Variants in ABCC2 observed in about 807,000 individuals in gnomAD.
ABCC2 encodes the protein ATP binding cassette subfamily C member 2.
ABCC2 carries 157 observed loss-of-function variants against 173.4 expected under a neutral mutation model. The observed-to-expected ratio is 0.91, with a 90% CI of 0.80 to 1.03. The LOEUF is 1.03. Ranked by LOEUF, ABCC2 falls within the 50% of genes least tolerant of loss-of-function variation. ABCC2 has a pLI of 0.00. For missense variants in ABCC2, 1,822 were observed against 1,852.3 expected (o/e 0.98, Z 0.30); for synonymous variants, 657 against 693.5 (o/e 0.95, Z 0.83).
In ABCC2 at chr10:99,793,923, T is replaced by A; in HGVS notation, c.500T>A (p.Leu167Gln). Residue 167 changes from leucine (L) to glutamine (Q), a missense_variant, in exon 5 of 32, where the codon CTG (leucine) becomes CAG (glutamine). Coordinates refer to ENST00000647814, the MANE Select transcript of ABCC2 (RefSeq NM_000392.5). The stretch of plus-strand genomic sequence containing the variant: ...AATTCTAATCTAGCCTACTCCTGCC[T>A]GTTCTTCATCTCCTACGGATTCCAG... ...GDNSNLAYSC[L>Q]FFISYGFQIL... 3.7e-6 allele frequency: 6 copies of A among 1,614,034 alleles called. No individual in the cohort carries two copies. The highest frequency in any genetic ancestry group is 5.1e-6 in the Non-Finnish European group (6 of 1,179,920).
At chr10:99,842,756 G>T (rs191097516) in intron 26 of ABCC2, among the ~76,000 whole-genome samples, 3 of 152,254 alleles carry the variant, frequency 2.0e-5, no homozygotes, top group Admixed American at 2.0e-4. Flanking sequence ...TTCATTAGAA[G>T]TTAATAAGGC....
At chr10:99,795,797 A>AGTT (rs1564672506) in intron 6 of ABCC2, among the ~76,000 whole-genome samples, 1 of 45,586 alleles carries the variant, frequency 2.2e-5, no homozygotes, top group South Asian at 7.0e-4. Context: ...GAAAGAAAGA[A>AGTT]AGAAAGATTT....
intron 23 of ABCC2, 118 bp downstream of exon 23, chr10:99,832,249 A>G: frequency 1.5e-6 from 2 of 1,325,274 alleles, no homozygotes; most frequent in South Asian, 1.2e-5. Flanking sequence ...TTGTCACTCA[A>G]CATGCAAGTG....
In ABCC2 at chr10:99,851,837, G is replaced by GT; in HGVS notation, c.*207dup. The stretch of plus-strand genomic sequence containing the variant: ...AACCCCTCGATTGTCTACCTCGATC[G>GT]TACTTCCTTGCTACCCACCCCTCCC... On this transcript the variant is annotated 3_prime_UTR_variant, in exon 32 of 32. Coordinates refer to ENST00000647814, the MANE Select transcript of ABCC2 (RefSeq NM_000392.5). 2.1e-6 allele frequency: 1 copy of GT among 475,176 alleles called. No homozygotes were observed. Among genetic ancestry groups the GT allele is most frequent in the South Asian group, 3.4e-5 (1 of 29,720 alleles). 29.4% of individuals were successfully genotyped at this position (475,176 alleles called of 1,614,324 possible).
At chr10:99,802,222 T>C (rs1308762649) in intron 9 of ABCC2, among the ~76,000 whole-genome samples, 1 of 152,224 alleles carries the variant, frequency 6.6e-6, no homozygotes, top group Non-Finnish European at 1.5e-5. Flanking sequence ...ATATCGCTAT[T>C]AGAAGAGTGG....
intron 2 of ABCC2, among the ~76,000 whole-genome samples, chr10:99,790,129 A>C (rs1385270430): frequency 6.6e-6 from 1 of 152,230 alleles, no homozygotes; most frequent in Non-Finnish European, 1.5e-5. Flanking sequence ...AAATGAAATG[A>C]CTGAGTTAAG....
rs553083635 is a variant in ABCC2 at position 99,820,306 on chromosome 10, G to C, written c.2620+1037G>C. Among the ~76,000 whole-genome samples, 3 of 152,302 alleles carry C rather than the reference G, an allele frequency of 2.0e-5. No individual in the cohort carries two copies. In the East Asian group the frequency reaches 5.8e-4, roughly 29 times the overall value. ...CTTGGGAGGCTGAGGCAGGAGAATT[G>C]CTTGAACCCAGGAGGCAGAGGTTGC... On this transcript the variant is annotated intron_variant, in intron 19 of 31. Transcript: ENST00000647814.
intron 15 of ABCC2, among the ~76,000 whole-genome samples, chr10:99,812,787 T>C (rs1158114411): frequency 6.6e-6 from 1 of 152,216 alleles, no homozygotes; most frequent in East Asian, 1.9e-4. Context: ...ATAGATGAGT[T>C]GGATAAATTA....
chr10:99,791,431 G>T (rs1171193227), intron 2 of ABCC2, among the ~76,000 whole-genome samples: 1 of 152,108 alleles, frequency 6.6e-6, no homozygotes. Flanking sequence ...AAAACCTATG[G>T]CCTAAGAAAG....
At chr10:99,838,476 G>T (rs1590187683) in intron 25 of ABCC2, among the ~76,000 whole-genome samples, 1 of 41,904 alleles carries the variant, frequency 2.4e-5, no homozygotes, top group Non-Finnish European at 5.0e-5. Context: ...CCGGGCAGAG[G>T]GGCTCCTCAC....
rs753783506 is a variant in ABCC2 at position 99,808,230 on chromosome 10, G to A, written c.1815+1G>A. On this transcript the variant is annotated splice_donor_variant, in intron 13 of 31. Transcript: ENST00000647814. LOFTEE classifies it high-confidence loss of function. ...CATGATGATCTCCTCCATGCTCCAG[G>A]TAGGTCGGCATTCTCACTGCTAACT... 5 of 1,614,014 alleles carry A rather than the reference G, an allele frequency of 3.1e-6. No homozygotes were observed. The South Asian group carries it at 5.5e-5, about 18-fold the overall frequency.
chr10:99,793,734 T>C, intron 4 of ABCC2, 49 bp downstream of exon 4: 1 of 1,611,978 alleles, frequency 6.2e-7, no homozygotes, highest in Non-Finnish European at 8.5e-7. Flanking sequence ...TGGGGCAACC[T>C]CTAACTCATA....
rs372262512 is a variant in ABCC2 at position 99,795,002 on chromosome 10, G to A, written c.632+534G>A. On this transcript the variant is annotated intron_variant, in intron 6 of 31. Coordinates refer to ENST00000647814, the MANE Select transcript of ABCC2 (RefSeq NM_000392.5). The stretch of plus-strand genomic sequence containing the variant: ...GGGGGATTTGTTTTTGGTAGCCTAG[G>A]GGTCCCACAGGAGAAAAGAAAGGAG... Among the ~76,000 whole-genome samples, 403 of 152,228 alleles carry A rather than the reference G, an allele frequency of 2.6e-3. 3 individuals carry two copies. The highest frequency in any genetic ancestry group is 0.015 in the South Asian group (73 of 4,820).
At chr10:99,849,804 C>A (rs1336899086) in intron 30 of ABCC2, among the ~76,000 whole-genome samples, 3 of 152,158 alleles carry the variant, frequency 2.0e-5, no homozygotes, top group Admixed American at 6.5e-5. Context: ...ACTTTGGCCA[C>A]CCCCTGTTTA....
At chr10:99,793,749 A>G in intron 4 of ABCC2, 64 bp downstream of exon 4, 1 of 1,608,010 alleles carries the variant, frequency 6.2e-7, no homozygotes. Flanking sequence ...CTCATAGTAA[A>G]TGGCATCAAG....
At position 99,804,226 on chromosome 10, in the gene ABCC2, G is replaced by A; in HGVS notation, c.1417G>A (p.Val473Ile). 6.2e-7 allele frequency: 1 copy of A among 1,614,148 alleles called. No homozygotes were observed. Among genetic ancestry groups the A allele is most frequent in the East Asian group, 2.2e-5 (1 of 44,882 alleles). Residue 473 changes from valine (V) to isoleucine (I), a missense_variant, in exon 10 of 32, where the codon GTA becomes ATA. Coordinates refer to ENST00000647814, the MANE Select transcript of ABCC2 (RefSeq NM_000392.5). ...AGCAGGTGTTGGGGTGATGGTGCTT[G>A]TAATCCCAATTAATGCGATACTGTC... ...VLAGVGVMVL[V>I]IPINAILSTK...
intron 30 of ABCC2, among the ~76,000 whole-genome samples, chr10:99,847,958 G>A (rs72838136): frequency 0.055 from 8,354 of 152,230 alleles, 253 homozygotes; most frequent in Middle Eastern, 0.18. Flanking sequence ...TTGTTATTAA[G>A]TGTACTCCTC....
rs778842626 is a variant in ABCC2 at position 99,849,647 on chromosome 10, G to A, written c.4314-955G>A. 2.6e-5 allele frequency among the ~76,000 whole-genome samples: 4 copies of A among 152,288 alleles called. No individual in the cohort carries two copies. In the East Asian group the frequency reaches 5.8e-4, roughly 22 times the overall value. On this transcript the variant is annotated intron_variant, in intron 30 of 31. Transcript: ENST00000647814. The stretch of plus-strand genomic sequence containing the variant: ...TGTTACTCTAAAGTCCAAAGTCTAC[G>A]TTACACTTTGGGCCAGGCAGGAGTT...
chr10:99,836,758 T>C (rs1394504627), intron 25 of ABCC2, among the ~76,000 whole-genome samples: 1 of 151,888 alleles, frequency 6.6e-6, no homozygotes, highest in Non-Finnish European at 1.5e-5. Flanking sequence ...GAGAGGAGAG[T>C]TGGGAATTTT....
Sources: allele counts gnomAD v4.1 joint callset (sites outside exome capture counted in the v4.1 genomes callset), GRCh38; gene constraint gnomAD v4.1.1; transcripts MANE v1.5; gene names NCBI Gene and HGNC (gene_info 2026-07-23, HGNC 2026-07-21).